The following GABRG3 variants were observed in gnomAD, a reference collection of about 807,000 sequenced individuals.
The protein encoded by GABRG3 is gamma-aminobutyric acid receptor subunit gamma-3.
Under a neutral mutation model 48.8 loss-of-function variants are expected in GABRG3, and 25 were observed. The ratio of observed to expected loss-of-function variants is 0.51; its 90% CI spans 0.37 to 0.72. GABRG3 has a LOEUF of 0.72. GABRG3 is among the 30% of genes least tolerant of loss of function. GABRG3 has a pLI of 0.00. For synonymous variants in GABRG3, 227 were observed against 217.6 expected, an observed-to-expected ratio of 1.04 and a Z score of -0.38; for missense variants, 394 against 577.9, an observed-to-expected ratio of 0.68 and a Z score of 3.26.
At chr15:27,247,954 C>T (rs570297746) in intron 3 of GABRG3, among the ~76,000 whole-genome samples, 2 of 152,292 alleles carry the variant, frequency 1.3e-5, no homozygotes, top group African/African-American at 2.4e-5. Flanking sequence ...TGGGTGGGGA[C>T]ACAGAGCCAA....
chr15:27,194,334 CCTTA>C (rs1286213441), intron 3 of GABRG3, among the ~76,000 whole-genome samples: 1 of 152,266 alleles, frequency 6.6e-6, no homozygotes, highest in East Asian at 1.9e-4. Context: ...ATATTTTTAT[CCTTA>C]CTCTTACATA....
rs75453035 is a variant in GABRG3 at position 27,374,966 on chromosome 15, C to T, written c.574+46078C>T. On this transcript the variant is annotated intron_variant, in intron 5 of 9. Coordinates refer to ENST00000615808, the MANE Select transcript of GABRG3 (RefSeq NM_033223.5). Reference sequence around the variant, plus strand: ...GGGACAATCACAGACTGATGACCCCCAACACAATGGGGTACAGATGGTCAT... The same window carrying T: ...GGGACAATCACAGACTGATGACCCCTAACACAATGGGGTACAGATGGTCAT... Among the ~76,000 whole-genome samples the T allele has an allele frequency of 1.1e-4, 17 of 151,932 alleles. No individual in the cohort carries two copies. In the East Asian group the frequency reaches 3.3e-3, roughly 30 times the overall value.
intron 3 of GABRG3, among the ~76,000 whole-genome samples, chr15:27,318,078 T>A (rs1893293812): frequency 6.6e-6 from 1 of 152,174 alleles, no homozygotes; most frequent in Admixed American, 6.5e-5. Flanking sequence ...ACAGCTTCCC[T>A]TATAGAGTAT....
At chr15:27,033,831 T>C (rs1378356571) in intron 3 of GABRG3, among the ~76,000 whole-genome samples, 3 of 152,220 alleles carry the variant, frequency 2.0e-5, no homozygotes, top group Admixed American at 6.5e-5. Flanking sequence ...ATATAGTAAA[T>C]GTTCAAAAGG....
chr15:27,045,926 C>T (rs1473382018), intron 3 of GABRG3, among the ~76,000 whole-genome samples: 1 of 152,138 alleles, frequency 6.6e-6, no homozygotes, highest in Non-Finnish European at 1.5e-5. Context: ...ACTGGCTCAG[C>T]CTCTTCACCT....
intron 5 of GABRG3, among the ~76,000 whole-genome samples, chr15:27,410,093 A>G (rs1450319684): frequency 1.3e-5 from 2 of 152,190 alleles, no homozygotes; most frequent in Non-Finnish European, 2.9e-5. Flanking sequence ...GTTTTTCTCT[A>G]TTCCTAATTT....
At chr15:27,302,973 A>G (rs1892262023) in intron 3 of GABRG3, among the ~76,000 whole-genome samples, 1 of 151,966 alleles carries the variant, frequency 6.6e-6, no homozygotes. Flanking sequence ...GAACTCAGCT[A>G]AAAGACTGCT....
At chr15:27,132,591 G>A (rs114952091) in intron 3 of GABRG3, among the ~76,000 whole-genome samples, 14 of 147,526 alleles carry the variant, frequency 9.5e-5, no homozygotes, top group African/African-American at 3.2e-4. Context: ...CTATTTATTG[G>A]TGTGCATTTT....
chr15:27,286,931 G>A (rs1376295815), intron 3 of GABRG3, among the ~76,000 whole-genome samples: 1 of 152,146 alleles, frequency 6.6e-6, no homozygotes, highest in African/African-American at 2.4e-5. Flanking sequence ...AGAACTGGGC[G>A]TGTAATAGGC....
intron 6 of GABRG3, among the ~76,000 whole-genome samples, chr15:27,506,375 A>T (rs1890760752): frequency 6.6e-6 from 1 of 152,212 alleles, no homozygotes; most frequent in Non-Finnish European, 1.5e-5. Flanking sequence ...GGGAACTCAG[A>T]GAGTTGAGGC....
At chr15:27,465,199 C>T (rs1488026087) in intron 5 of GABRG3, among the ~76,000 whole-genome samples, 2 of 152,312 alleles carry the variant, frequency 1.3e-5, no homozygotes, top group African/African-American at 4.8e-5. Flanking sequence ...CAGCAGAGCC[C>T]ATTTTTCTCC....
chr15:26,975,170 C>A lies in GABRG3; in HGVS notation c.54-1832C>A, dbSNP rs765155992. Among the ~76,000 whole-genome samples the A allele has an allele frequency of 5.3e-5, 8 of 152,088 alleles. No homozygotes were observed. Among genetic ancestry groups the A allele is most frequent in the Non-Finnish European group, 1.0e-4 (7 of 68,028 alleles). ...GGGATTACAGGCGTGAACAACCATG[C>A]CCGGCCAGATGACATGAAATATTTT... On this transcript the variant is annotated intron_variant, in intron 1 of 9. Coordinates refer to ENST00000615808, the MANE Select transcript of GABRG3 (RefSeq NM_033223.5). The surrounding 1 kb of genome is among the most constrained non-coding windows in gnomAD (Gnocchi z 4.6).
At chr15:26,983,775 A>G (rs1276653642) in intron 2 of GABRG3, among the ~76,000 whole-genome samples, 1 of 152,138 alleles carries the variant, frequency 6.6e-6, no homozygotes, top group African/African-American at 2.4e-5. Context: ...ACCTGTCTCT[A>G]AAAGGAAAAT....
intron 3 of GABRG3, among the ~76,000 whole-genome samples, chr15:27,074,018 G>T (rs150858440): frequency 0.03 from 4,500 of 152,290 alleles, 69 homozygotes; most frequent in Non-Finnish European, 0.045. Context: ...ATGGTGGAAG[G>T]CAGGGAGGAG....
At chr15:27,186,015 CTTT>C (rs10580180) in intron 3 of GABRG3, among the ~76,000 whole-genome samples, 2,417 of 131,268 alleles carry the variant, frequency 0.018, 42 homozygotes, top group African/African-American at 0.056. Context: ...GTATTTAAAT[CTTT>C]TTTTTTTTTT....
chr15:27,267,691 A>G (rs1890964122), intron 3 of GABRG3, among the ~76,000 whole-genome samples: 1 of 152,156 alleles, frequency 6.6e-6, no homozygotes, highest in African/African-American at 2.4e-5. Flanking sequence ...CTGATTAAGG[A>G]AGTTCTCTTC....
intron 3 of GABRG3, chr15:27,295,132 G>A (rs1344708405): frequency 6.6e-6 from 1 of 152,168 alleles, no homozygotes; most frequent in Non-Finnish European, 1.5e-5. Flanking sequence ...TAATCTGAAA[G>A]CAAAGTGTCC....
intron 3 of GABRG3, among the ~76,000 whole-genome samples, chr15:27,146,334 G>A (rs1298138562): frequency 2.0e-5 from 3 of 152,110 alleles, no homozygotes; most frequent in Admixed American, 2.0e-4. Context: ...GCCGGTGCCT[G>A]TAGTCCCAAC....
intron 5 of GABRG3, among the ~76,000 whole-genome samples, chr15:27,422,162 G>A (rs535024766): frequency 1.3e-5 from 2 of 151,774 alleles, no homozygotes; most frequent in African/African-American, 2.4e-5. Context: ...AGGGGAGTGG[G>A]CTGCATATCC....
Sources: gnomAD v4.1 joint callset for allele counts (sites outside exome capture counted in the v4.1 genomes callset) on GRCh38, gnomAD v4.1.1 for gene constraint, Gnocchi (gnomAD v3.1) non-coding constraint, MANE v1.5 for transcripts, NCBI Gene and HGNC (gene_info 2026-07-23, HGNC 2026-07-21) for gene names.